Variants in GLDC observed in about 807,000 individuals in gnomAD.
GLDC encodes the protein glycine dehydrogenase (decarboxylating), mitochondrial.
In GLDC, 104 loss-of-function variants were observed where a neutral mutation model predicts 121.3. That is an observed-to-expected ratio of 0.86 (90% CI 0.73 to 1.01). The LOEUF is 1.01. Ranked by LOEUF, GLDC falls within the 50% of genes least tolerant of loss-of-function variation. The pLI, the probability that GLDC is intolerant of heterozygous loss-of-function variation, is 0.00. For synonymous variants in GLDC, 546 were observed against 480.6 expected, an observed-to-expected ratio of 1.14 and a Z score of -1.78; for missense variants, 1,429 against 1,306.6, an observed-to-expected ratio of 1.09 and a Z score of -1.44.
intron 16 of GLDC, among the ~76,000 whole-genome samples, chr9:6,561,875 C>CTAAT (rs1478226225): frequency 6.6e-6 from 1 of 152,188 alleles, no homozygotes; most frequent in Non-Finnish European, 1.5e-5. Context: ...GCAAGGGAAA[C>CTAAT]TAATGTCTTA....
At chr9:6,571,901 C>T (rs1272861769) in intron 15 of GLDC, among the ~76,000 whole-genome samples, 2 of 152,112 alleles carry the variant, frequency 1.3e-5, no homozygotes, top group Non-Finnish European at 2.9e-5. Context: ...TAGATCCAAA[C>T]AAATATACCC....
chr9:6,581,170 T>A (rs1473775977), intron 15 of GLDC, among the ~76,000 whole-genome samples: 2 of 152,222 alleles, frequency 1.3e-5, no homozygotes, highest in African/African-American at 4.8e-5. Context: ...TAACTCCAGC[T>A]TCTCAGTCCT....
At position 6,589,046 on chromosome 9, in the gene GLDC, C is replaced by T. The variant is rs1018968086; in HGVS notation, c.1580+149G>A. 82 of 714,286 alleles carry T rather than the reference C, an allele frequency of 1.1e-4. No individual in the cohort carries two copies. The East Asian group carries it at 1.9e-3, about 17-fold the overall frequency. The allele number at this position is 714,286 out of a possible 1,614,324, so 44.2% of individuals were successfully genotyped here. ...AAGTGTGCTTTTCCCAAGTCAGGAA[C>T]GGGATCGTTATGAGGATGAAATACT... On this transcript the variant is annotated intron_variant, in intron 12 of 24. Coordinates refer to ENST00000321612, the MANE Select transcript of GLDC (RefSeq NM_000170.3).
At chr9:6,558,473 GACATTT>G in intron 17 of GLDC, 80 bp downstream of exon 17, 3 of 1,441,340 alleles carry the variant, frequency 2.1e-6, no homozygotes, top group Non-Finnish European at 2.0e-6. Context: ...TGCAAGAGAA[GACATTT>G]ACATAATCCA....
chr9:6,639,289 A>G, intron 2 of GLDC: 1 of 930,564 alleles, frequency 1.1e-6, no homozygotes, highest in South Asian at 1.3e-5. Context: ...CCGGCGGTCC[A>G]AGACCCTGCG....
At chr9:6,585,933 CAG>C (rs1295277179) in intron 15 of GLDC, among the ~76,000 whole-genome samples, 1 of 147,274 alleles carries the variant, frequency 6.8e-6, no homozygotes, top group Non-Finnish European at 1.5e-5. Context: ...ATCATGAAGG[CAG>C]AGAGACCACA....
chr9:6,643,088 G>A (rs1224849366), intron 2 of GLDC, among the ~76,000 whole-genome samples: 1 of 151,750 alleles, frequency 6.6e-6, no homozygotes, highest in Non-Finnish European at 1.5e-5. Context: ...TGTAGAGATG[G>A]GGTCTCGCAA....
chr9:6,606,844 G>A (rs925206403), intron 4 of GLDC, among the ~76,000 whole-genome samples, 175 bp from the exon 5 acceptor site: 4 of 152,034 alleles, frequency 2.6e-5, no homozygotes, highest in African/African-American at 7.3e-5. Context: ...AGGCCGAGGC[G>A]GGCAGATTAC....
Position 6,588,722 on chromosome 9 carries a change from A to C in GLDC, c.1581-20T>G. 2 of 1,564,400 alleles carry C rather than the reference A, an allele frequency of 1.3e-6. No homozygotes were observed. The highest frequency in any genetic ancestry group is 1.8e-6 in the Non-Finnish European group (2 of 1,134,706). ...TGGTAGCTGTGAACACAAAACACAG[A>C]ATTAGGGGCCCCAAAAGTAGATATG... On this transcript the variant is annotated intron_variant, in intron 12 of 24. Transcript: ENST00000321612.
chr9:6,615,703 T>A (rs1818955338), intron 3 of GLDC, among the ~76,000 whole-genome samples: 1 of 151,134 alleles, frequency 6.6e-6, no homozygotes, highest in South Asian at 2.1e-4. Flanking sequence ...CTCCTCTTCC[T>A]GGGTTCAAGT....
Position 6,553,397 on chromosome 9 carries a change from T to C in GLDC, c.2428A>G (p.Ile810Val), listed in dbSNP as rs768090068. 8 of 1,614,024 alleles carry C rather than the reference T, an allele frequency of 5.0e-6. No homozygotes were observed. The highest frequency in any genetic ancestry group is 6.8e-6 in the Non-Finnish European group (8 of 1,179,918). Residue 810 changes from isoleucine to valine, a missense_variant, in exon 20 of 25, where the codon ATC (isoleucine) becomes GTC (valine). Ile to Val is a conservative substitution (Grantham distance 29). Transcript: ENST00000321612. Reference sequence around the variant, plus strand: ...ATATAAGCCCAGGAAATGGGCAAGATGGAACTGGAGCCCCATGGGGCCGCA... The same window carrying C: ...ATATAAGCCCAGGAAATGGGCAAGACGGAACTGGAGCCCCATGGGGCCGCA... Reference protein sequence around the residue: ...VSAAPWGSSSILPISWAYIKM... With the variant: ...VSAAPWGSSSVLPISWAYIKM...
chr9:6,537,783 TA>T (rs139388026), intron 22 of GLDC, among the ~76,000 whole-genome samples: 3 of 148,166 alleles, frequency 2.0e-5, no homozygotes, highest in African/African-American at 4.9e-5. Flanking sequence ...TTGTCTCTAT[TA>T]AAAAAAAAAC....
rs568328875 is a variant in GLDC, at chr9:6,644,830, T to C, written c.256-138A>G. The C allele has an allele frequency of 4.4e-5, 31 of 701,488 alleles. 1 individual carries two copies. In the East Asian group the frequency reaches 8.0e-4, roughly 18 times the overall value. The allele number at this position is 701,488 out of a possible 1,614,324, so 43.5% of individuals were successfully genotyped here. ...TCTTTTTAAAAGAAAAGGAAAACTC[T>C]GAGCAAGCCAGAATGATTTGGAGGA... On this transcript the variant is annotated intron_variant, in intron 1 of 24. Coordinates refer to ENST00000321612, the MANE Select transcript of GLDC (RefSeq NM_000170.3).
intron 21 of GLDC, among the ~76,000 whole-genome samples, chr9:6,548,102 G>T (rs1238211419): frequency 6.6e-6 from 1 of 152,156 alleles, no homozygotes; most frequent in African/African-American, 2.4e-5. Context: ...TGGCACCACT[G>T]CACTTCAGCC....
chr9:6,593,217 C>T (rs143702057), intron 9 of GLDC: 11,544 of 474,730 alleles, frequency 0.024, 174 homozygotes, highest in Non-Finnish European at 0.034. Flanking sequence ...TGCATTACTG[C>T]GTGTATTTTG....
At chr9:6,599,380 G>T (rs1222818193) in intron 8 of GLDC, among the ~76,000 whole-genome samples, 1 of 151,954 alleles carries the variant, frequency 6.6e-6, no homozygotes, top group African/African-American at 2.4e-5. Flanking sequence ...CGTAAGCAGA[G>T]AATTCAACAA....
At chr9:6,559,091 A>G (rs1368701117) in intron 16 of GLDC, among the ~76,000 whole-genome samples, 1 of 152,212 alleles carries the variant, frequency 6.6e-6, no homozygotes, top group Non-Finnish European at 1.5e-5. Context: ...CTTATCCAGG[A>G]CAGATGATAA....
At chr9:6,552,933 C>T (rs1563834224) in intron 20 of GLDC, among the ~76,000 whole-genome samples, 2 of 151,566 alleles carry the variant, frequency 1.3e-5, no homozygotes, top group East Asian at 3.9e-4. Context: ...CCTCTGGCCC[C>T]CCCCAAGAAA....
chr9:6,643,866 T>A (rs1196509490), intron 2 of GLDC, among the ~76,000 whole-genome samples: 1 of 150,688 alleles, frequency 6.6e-6, no homozygotes, highest in African/African-American at 2.4e-5. Context: ...AAACCCTGTC[T>A]CTAATAAAAA....
Sources: gnomAD v4.1 joint callset for allele counts (sites outside exome capture counted in the v4.1 genomes callset) on GRCh38, gnomAD v4.1.1 for gene constraint, MANE v1.5 for transcripts, NCBI Gene and HGNC (gene_info 2026-07-23, HGNC 2026-07-21) for gene names.